TTLL9: variants seen among roughly 807,000 people sequenced by gnomAD.
The protein encoded by TTLL9 is probable tubulin polyglutamylase TTLL9.
In TTLL9, 47 loss-of-function variants were observed where a neutral mutation model predicts 65.6. The ratio of observed to expected loss-of-function variants is 0.72; its 90% CI spans 0.57 to 0.91. TTLL9 has a LOEUF of 0.91. Among genes scored for constraint, TTLL9 ranks in the 40% least tolerant of loss-of-function variants. The pLI is 0.00. For synonymous variants in TTLL9, 179 were observed against 204.8 expected (o/e 0.87, Z 1.07); for missense variants, 537 against 568.8 (o/e 0.94, Z 0.57).
intron 13 of TTLL9, among the ~76,000 whole-genome samples, chr20:31,937,811 A>G (rs73102636): frequency 0.063 from 9,564 of 152,232 alleles, 390 homozygotes; most frequent in Admixed American, 0.1. Context: ...TCTGAGCCTC[A>G]GCTTCCTCAT....
intron 10 of TTLL9, among the ~76,000 whole-genome samples, chr20:31,927,040 A>G (rs915093917): frequency 6.6e-6 from 1 of 151,988 alleles, no homozygotes; most frequent in Non-Finnish European, 1.5e-5. Flanking sequence ...ACTTGAGCCC[A>G]GGAGTTCCAG....
intron 3 of TTLL9, among the ~76,000 whole-genome samples, chr20:31,896,042 G>A (rs960713870): frequency 3.3e-5 from 5 of 151,928 alleles, no homozygotes; most frequent in Admixed American, 2.6e-4. Context: ...GTTTCACCAT[G>A]TTGTCCAGGC....
At chr20:31,924,278 A>G (rs1466356136) in intron 8 of TTLL9, among the ~76,000 whole-genome samples, 2 of 151,946 alleles carry the variant, frequency 1.3e-5, no homozygotes, top group East Asian at 3.9e-4. Context: ...ACACCCTTCC[A>G]TGGCTTCCCA....
At chr20:31,871,228 T>C in intron 2 of TTLL9, 33 bp downstream of exon 2, 1 of 1,607,020 alleles carries the variant, frequency 6.2e-7, no homozygotes, top group African/African-American at 1.3e-5. Flanking sequence ...GAGGGAGGGT[T>C]CCAGTCTGAA....
At chr20:31,873,721 AG>A (rs2062979648) in intron 2 of TTLL9, among the ~76,000 whole-genome samples, 3 of 144,556 alleles carry the variant, frequency 2.1e-5, no homozygotes, top group East Asian at 1.9e-4. Context: ...AAAGAAAGAA[AG>A]AAAGAAAGAA....
At chr20:31,941,636 G>GT (rs2064212630) in intron 14 of TTLL9, among the ~76,000 whole-genome samples, 1 of 151,882 alleles carries the variant, frequency 6.6e-6, no homozygotes, top group Non-Finnish European at 1.5e-5. Flanking sequence ...ATAGCTCACT[G>GT]TAACTAACCT....
intron 3 of TTLL9, among the ~76,000 whole-genome samples, chr20:31,890,150 C>CTTTCTTTCTTTCTTTCTTTCT (rs1300422017): frequency 1.0e-3 from 17 of 16,704 alleles, no homozygotes; most frequent in South Asian, 2.8e-3. Context: ...TCCTTCCTTC[C>CTTTCTTTCTTTCTTTCTTTCT]TTCCTTCTTT....
intron 3 of TTLL9, among the ~76,000 whole-genome samples, chr20:31,889,659 G>GATCC (rs550808800): frequency 1.5e-3 from 228 of 152,096 alleles, no homozygotes; most frequent in African/African-American, 4.6e-3. Context: ...CTGATCTTGT[G>GATCC]ATCCACCTGC....
chr20:31,876,498 T>C (rs1408992617), intron 2 of TTLL9, among the ~76,000 whole-genome samples: 2 of 152,196 alleles, frequency 1.3e-5, no homozygotes. Flanking sequence ...ATCACCCTAC[T>C]AGTGGACATT....
At chr20:31,887,916 C>T (rs2063221472) in intron 3 of TTLL9, among the ~76,000 whole-genome samples, 1 of 132,350 alleles carries the variant, frequency 7.6e-6, no homozygotes, top group African/African-American at 2.7e-5. Flanking sequence ...TTGAGTTTCA[C>T]TCTTGTTACC....
chr20:31,884,027 T>A (rs1221829266), intron 2 of TTLL9: 1 of 524,488 alleles, frequency 1.9e-6, no homozygotes, highest in Non-Finnish European at 3.5e-6. Flanking sequence ...ACAGATGACA[T>A]CATTGTATCC....
intron 2 of TTLL9, among the ~76,000 whole-genome samples, chr20:31,871,772 A>C (rs1374073238): frequency 6.6e-6 from 1 of 152,224 alleles, no homozygotes; most frequent in Non-Finnish European, 1.5e-5. Context: ...CAGTGGGTAG[A>C]GATTGTTCCT....
At chr20:31,917,559 A>G (rs1230139815) in intron 6 of TTLL9, among the ~76,000 whole-genome samples, 3 of 152,240 alleles carry the variant, frequency 2.0e-5, no homozygotes, top group East Asian at 1.9e-4. Context: ...TTGCTGGGAC[A>G]TAGGATAGAG....
intron 2 of TTLL9, among the ~76,000 whole-genome samples, chr20:31,877,860 A>C (rs925244868): frequency 1.3e-5 from 2 of 152,214 alleles, no homozygotes; most frequent in South Asian, 2.1e-4. Flanking sequence ...GGGAAAATAC[A>C]CATCTTTCTG....
At chr20:31,897,714 C>T (rs926168111) in intron 3 of TTLL9, among the ~76,000 whole-genome samples, 5 of 151,912 alleles carry the variant, frequency 3.3e-5, no homozygotes, top group African/African-American at 4.8e-5. Flanking sequence ...CAGCACCGAG[C>T]GGGGGTGTTG....
chr20:31,911,272 A>G (rs1188191326), intron 6 of TTLL9, among the ~76,000 whole-genome samples: 1 of 152,202 alleles, frequency 6.6e-6, no homozygotes, highest in African/African-American at 2.4e-5. Context: ...ACTGTCACTC[A>G]CCACAAAGCC....
chr20:31,876,719 C>G (rs1471320136), intron 2 of TTLL9, among the ~76,000 whole-genome samples: 3 of 152,138 alleles, frequency 2.0e-5, no homozygotes, highest in African/African-American at 7.2e-5. Flanking sequence ...GCATTTTCAA[C>G]TTTATGAGAT....
intron 2 of TTLL9, among the ~76,000 whole-genome samples, chr20:31,878,004 T>A (rs751639090): frequency 6.6e-6 from 1 of 152,234 alleles, no homozygotes; most frequent in Non-Finnish European, 1.5e-5. Flanking sequence ...TCCTTTCTGC[T>A]GTATTTTTAG....
chr20:31,927,895 G>T (rs1333476945), intron 10 of TTLL9, among the ~76,000 whole-genome samples: 1 of 152,240 alleles, frequency 6.6e-6, no homozygotes, highest in African/African-American at 2.4e-5. Flanking sequence ...TTGCCTGCAT[G>T]TGAAACTGCG....
Sources: gnomAD v4.1 joint callset for allele counts (sites outside exome capture counted in the v4.1 genomes callset) on GRCh38, gnomAD v4.1.1 for gene constraint, MANE v1.5 for transcripts, NCBI Gene and HGNC (gene_info 2026-07-23, HGNC 2026-07-21) for gene names.